The following SPNS2 variants were observed in gnomAD, a reference collection of about 807,000 sequenced individuals.
SPNS2 encodes sphingosine-1-phosphate transporter SPNS2.
SPNS2 carries 37 observed loss-of-function variants against 57.6 expected under a neutral mutation model. The observed-to-expected ratio is 0.64, with a 90% CI of 0.49 to 0.85. SPNS2 has a LOEUF of 0.85. Among genes scored for constraint, SPNS2 ranks in the 40% least tolerant of loss-of-function variants. The pLI is 0.00. For missense variants in SPNS2, 831 were observed against 779.1 expected (o/e 1.07, Z -0.79); for synonymous variants, 440 against 346.9 (o/e 1.27, Z -2.98).
chr17:4,533,892 C>T (rs757011727), intron 9 of SPNS2, 39 bp downstream of exon 9: 4 of 1,602,942 alleles, frequency 2.5e-6, no homozygotes, highest in East Asian at 4.5e-5. Flanking sequence ...TGCTGCTGAC[C>T]CAGGCCTCTT....
intron 11 of SPNS2, 63 bp downstream of exon 11, chr17:4,536,489 G>A (rs1349995053): frequency 7.1e-6 from 11 of 1,542,816 alleles, no homozygotes; most frequent in Middle Eastern, 2.1e-4. Flanking sequence ...GATAGCCACC[G>A]TGAGCCCTGC....
chr17:4,530,610 C>T (rs1341883274), intron 3 of SPNS2, 22 bp from the exon 4 acceptor site: 3 of 1,601,180 alleles, frequency 1.9e-6, no homozygotes, highest in Non-Finnish European at 2.6e-6. Flanking sequence ...GGTCCCCCAG[C>T]ATCCTCCACC....
In SPNS2 at chr17:4,510,701, C is replaced by T. The variant is rs560803926; in HGVS notation, c.371-2546C>T. ...GACTCCGCCCATCCTCTTGTCCACC[C>T]GACACCAAAATCGTGACTGTCCCTG... On this transcript the variant is annotated intron_variant, in intron 1 of 12. Transcript: ENST00000329078. This position sits in a 1 kb window ranked among gnomAD's most constrained non-coding sequence, Gnocchi z 4.4. Among the ~76,000 whole-genome samples, 4 of 152,292 alleles carry T rather than the reference C, an allele frequency of 2.6e-5. No individual in the cohort carries two copies. The highest frequency in any genetic ancestry group is 6.5e-5 in the Admixed American group (1 of 15,296).
At position 4,533,376 on chromosome 17, in the gene SPNS2, G is replaced by A. The variant is rs201267925; in HGVS notation, c.1222G>A (p.Ala408Thr). The A allele has an allele frequency of 6.2e-6, 10 of 1,610,744 alleles. No homozygotes were observed. The highest frequency in any genetic ancestry group is 2.2e-5 in the South Asian group (2 of 90,940). ...LVCAVGMLGS[A>T]IFICLIFVAA... ...GTGTGCCGTGGGCATGCTGGGCTCT[G>A]CCATCTTCATCTGCCTGATCTTCGT... The change falls in exon 8 of 13, where the codon GCC becomes ACC. Residue 408 changes from alanine (A) to threonine (T), a missense_variant. Ala to Thr is a moderately conservative substitution (Grantham distance 58). Coordinates refer to ENST00000329078, the MANE Select transcript of SPNS2 (RefSeq NM_001124758.3).
chr17:4,529,196 A>C (rs1905355715), intron 3 of SPNS2, among the ~76,000 whole-genome samples: 1 of 151,936 alleles, frequency 6.6e-6, no homozygotes. Context: ...AGCCTCCCAA[A>C]GTGCTGGGAT....
Position 4,533,803 on chromosome 17 carries a change from G to T in SPNS2, c.1294G>T (p.Gly432Trp), listed in dbSNP as rs763095181. Residue 432 changes from glycine (G) to tryptophan (W), a missense_variant, in exon 9 of 13, where the codon GGG (glycine) becomes TGG (tryptophan). Coordinates refer to ENST00000329078, the MANE Select transcript of SPNS2 (RefSeq NM_001124758.3). ...TCCCCGGCAGATCTGTATCTTCGTCGGGGAGACGCTGCTGTTTTCTAACTG... is the reference window on the plus strand; with the variant it reads ...TCCCCGGCAGATCTGTATCTTCGTCTGGGAGACGCTGCTGTTTTCTAACTG... The part of the protein sequence containing the change: ...IVGAYICIFV[G>W]ETLLFSNWAI... 2.5e-6 allele frequency: 4 copies of T among 1,613,674 alleles called. No homozygotes were observed. In the East Asian group the frequency reaches 6.7e-5, roughly 27 times the overall value.
intron 2 of SPNS2, among the ~76,000 whole-genome samples, chr17:4,523,290 T>G (rs1309442646): frequency 6.8e-6 from 1 of 147,110 alleles, no homozygotes; most frequent in Non-Finnish European, 1.5e-5. Flanking sequence ...ATACAAAAAT[T>G]AGCTGGGCGT....
Position 4,533,357 on chromosome 17 carries a change from C to G in SPNS2, c.1203C>G (p.Ala401=). ...KTQRADPLVC[A]VGMLGSAIFI... is the part of the protein sequence containing the mutation. ...AGCGGGCCGACCCACTGGTGTGTGC[C>G]GTGGGCATGCTGGGCTCTGCCATCT... Residue 401 remains alanine, a synonymous_variant, in exon 8 of 13, where the codon GCC becomes GCG. Transcript: ENST00000329078. 1 of 1,611,690 alleles carries G rather than the reference C, an allele frequency of 6.2e-7. No individual in the cohort carries two copies. The highest frequency in any genetic ancestry group is 8.5e-7 in the Non-Finnish European group (1 of 1,179,592).
In SPNS2 at chr17:4,511,812, C is replaced by T. The variant is rs143231721; in HGVS notation, c.371-1435C>T. Among the ~76,000 whole-genome samples the T allele has an allele frequency of 1.2e-3, 180 of 152,316 alleles. No homozygotes were observed. The highest frequency in any genetic ancestry group is 2.3e-3 in the South Asian group (11 of 4,830). ...ACATCCGCCCGTCTGTCCTGCATTCCGGGAAATTGCTCAGGATTCCAACCT... is the reference window on the plus strand; with the variant it reads ...ACATCCGCCCGTCTGTCCTGCATTCTGGGAAATTGCTCAGGATTCCAACCT... On this transcript the variant is annotated intron_variant, in intron 1 of 12. Transcript: ENST00000329078. The surrounding 1 kb of genome is among the most constrained non-coding windows in gnomAD (Gnocchi z 4.6).
At chr17:4,535,122 A>G (rs1373945322) in intron 9 of SPNS2, among the ~76,000 whole-genome samples, 4 of 152,078 alleles carry the variant, frequency 2.6e-5, no homozygotes, top group African/African-American at 9.7e-5. Flanking sequence ...CTCGGGGAAC[A>G]GGGGCTGCCT....
intron 10 of SPNS2, 25 bp downstream of exon 10, chr17:4,536,199 G>A (rs1597371833): frequency 6.2e-7 from 1 of 1,608,134 alleles, no homozygotes; most frequent in Non-Finnish European, 8.5e-7. Context: ...GGTGGGGCTG[G>A]CCAGGGCAGG....
intron 1 of SPNS2, among the ~76,000 whole-genome samples, chr17:4,502,267 C>G (rs993587263): frequency 2.6e-5 from 4 of 151,888 alleles, no homozygotes; most frequent in Non-Finnish European, 5.9e-5. Context: ...GTAGTCCCAG[C>G]TACTCGGGAG....
intron 11 of SPNS2, 22 bp from the exon 12 acceptor site, chr17:4,536,877 AC>A (rs771555655): frequency 2.5e-6 from 4 of 1,609,570 alleles, no homozygotes; most frequent in Non-Finnish European, 3.4e-6. Flanking sequence ...CACCACCCTG[AC>A]CCCCGCCCGT....
chr17:4,508,122 A>G (rs1236300282), intron 1 of SPNS2, among the ~76,000 whole-genome samples: 1 of 152,190 alleles, frequency 6.6e-6, no homozygotes, highest in Admixed American at 6.5e-5. Context: ...TACAGGCACC[A>G]CTTCACCAAG....
chr17:4,528,638 A>C (rs757240676), intron 3 of SPNS2, among the ~76,000 whole-genome samples: 17 of 151,948 alleles, frequency 1.1e-4, no homozygotes, highest in Non-Finnish European at 2.1e-4. Flanking sequence ...CACCATGCCC[A>C]GCTAATTTTT....
In SPNS2 at chr17:4,531,049, G is replaced by A. The variant is rs756906368; in HGVS notation, c.726-4G>A. On this transcript the variant is annotated splice_polypyrimidine_tract_variant and splice_region_variant and intron_variant, in intron 4 of 12. Coordinates refer to ENST00000329078, the MANE Select transcript of SPNS2 (RefSeq NM_001124758.3). ...TCAGCCTGACGTGTGTCTCTTCTCT[G>A]CAGTGGCCTGGGCTACATTACTGGC... 9 of 1,613,840 alleles carry A rather than the reference G, an allele frequency of 5.6e-6. No individual in the cohort carries two copies. The South Asian group carries it at 6.6e-5, about 12-fold the overall frequency.
At chr17:4,524,199 A>G (rs1905210149) in intron 2 of SPNS2, among the ~76,000 whole-genome samples, 1 of 152,140 alleles carries the variant, frequency 6.6e-6, no homozygotes, top group African/African-American at 2.4e-5. Context: ...TTTCACAAGT[A>G]GAACAAGGGG....
chr17:4,536,906 C>G lies in SPNS2; in HGVS notation c.1614C>G (p.Asn538Lys), dbSNP rs1042830969. 1.2e-6 allele frequency: 2 copies of G among 1,613,570 alleles called. No homozygotes were observed. Among genetic ancestry groups the G allele is most frequent in the Non-Finnish European group, 1.7e-6 (2 of 1,179,838 alleles). The change falls in exon 12 of 13, where the codon AAC becomes AAG. Residue 538 changes from asparagine to lysine, a missense_variant. This residue lies in a region of SPNS2 where 526 missense variants were observed against 400.9 expected (regional missense o/e 1.31). Transcript: ENST00000329078. ...CCGCCCGTCTCTCCCCCAGGGTGAA[C>G]CAGCTGGCGATGCCGCCCGCATCTG... Reference protein sequence around the residue: ...SDRARAEQQVNQLAMPPASVK... With the variant: ...SDRARAEQQVKQLAMPPASVK...
chr17:4,528,969 C>T (rs1185935427), intron 3 of SPNS2, among the ~76,000 whole-genome samples: 1 of 151,126 alleles, frequency 6.6e-6, no homozygotes, highest in Non-Finnish European at 1.5e-5. Context: ...TGGAGTCTTG[C>T]TCTGTCACCC....
Sources: allele counts gnomAD v4.1 joint callset (sites outside exome capture counted in the v4.1 genomes callset), GRCh38; gene constraint gnomAD v4.1.1; regional missense constraint gnomAD v4.1.1; non-coding constraint Gnocchi (gnomAD v3.1); transcripts MANE v1.5; gene names NCBI Gene and HGNC (gene_info 2026-07-23, HGNC 2026-07-21).